The following MRTFB variants were observed in gnomAD, a reference collection of about 807,000 sequenced individuals.
MRTFB encodes the protein myocardin-related transcription factor B.
MRTFB carries 29 observed loss-of-function variants against 104.2 expected under a neutral mutation model. That is an observed-to-expected ratio of 0.28 (90% CI 0.21 to 0.38). The LOEUF is 0.38. MRTFB is among the 10% of genes least tolerant of loss of function. The pLI is 1.00. For missense variants in MRTFB, 1,270 were observed against 1,341.6 expected (o/e 0.95, Z 0.83); for synonymous variants, 535 against 519.5 (o/e 1.03, Z -0.41).
chr16:14,250,235 C>G (rs1036339648), intron 13 of MRTFB, among the ~76,000 whole-genome samples: 2 of 152,082 alleles, frequency 1.3e-5, no homozygotes, highest in East Asian at 3.9e-4. Context: ...AACTCATCAC[C>G]ATGGAGATTG....
chr16:14,021,920 C>A, the MRTFB span, among the ~76,000 whole-genome samples: 1 of 152,036 alleles, frequency 6.6e-6, no homozygotes, highest in Non-Finnish European at 1.5e-5. Context: ...ACTTATTTCC[C>A]GCCGGGTAGA....
At chr16:14,231,111 C>T (rs1016676573) in intron 8 of MRTFB, among the ~76,000 whole-genome samples, 5 of 146,114 alleles carry the variant, frequency 3.4e-5, no homozygotes, top group African/African-American at 1.3e-4. Context: ...GGAAGGGGAA[C>T]ATCACACTCT....
the MRTFB span, among the ~76,000 whole-genome samples, chr16:13,995,381 T>C: frequency 2.0e-5 from 3 of 152,192 alleles, no homozygotes; most frequent in African/African-American, 7.2e-5. Flanking sequence ...ACCCCAGAAC[T>C]GGTTGCACTT....
chr16:14,001,156 C>T, the MRTFB span, among the ~76,000 whole-genome samples: 3 of 152,192 alleles, frequency 2.0e-5, no homozygotes, highest in Non-Finnish European at 4.4e-5. Flanking sequence ...TCAGTTAAGA[C>T]GCTTGTGGTT....
intron 2 of MRTFB, among the ~76,000 whole-genome samples, chr16:14,098,523 C>T (rs1482825439): frequency 2.0e-5 from 3 of 152,160 alleles, no homozygotes; most frequent in Non-Finnish European, 4.4e-5. Flanking sequence ...TCTTTTCACC[C>T]TCTTAACATT....
chr16:14,234,904 G>T lies in MRTFB; in HGVS notation c.831+621G>T, dbSNP rs182564519. 1.2e-4 allele frequency among the ~76,000 whole-genome samples: 19 copies of T among 152,336 alleles called. No homozygotes were observed. The East Asian group carries it at 3.3e-3, about 26-fold the overall frequency. On this transcript the variant is annotated intron_variant, in intron 9 of 16. Transcript: ENST00000571589. ...AAACAGATTTAAACTTTTTAGAATT[G>T]TGTTTAGAACTTCTAGATATGGTGG...
At chr16:14,182,266 A>C (rs2039796312) in intron 3 of MRTFB, among the ~76,000 whole-genome samples, 1 of 152,192 alleles carries the variant, frequency 6.6e-6, no homozygotes, top group South Asian at 2.1e-4. Flanking sequence ...AGGCCAGTGT[A>C]GAGTGAAGAG....
intron 3 of MRTFB, chr16:14,186,951 C>G (rs1301027508): frequency 6.3e-7 from 1 of 1,598,066 alleles, no homozygotes. Flanking sequence ...ACAGGGCTTC[C>G]CAGAGATTTT....
rs1359569595 is a variant in MRTFB, at chr16:14,178,519, CAA to C, written c.155-31723_155-31722del. ...TATTCTCTACCTTTGCCGTAACTCCCAAGATAGTAAAATAGGACACTCAGTCA... is the reference window on the plus strand; with the variant it reads ...TATTCTCTACCTTTGCCGTAACTCCCGATAGTAAAATAGGACACTCAGTCA... On this transcript the variant is annotated intron_variant, in intron 3 of 16. Transcript: ENST00000571589. Among the ~76,000 whole-genome samples, 34 of 152,104 alleles carry C rather than the reference CAA, an allele frequency of 2.2e-4. 1 individual carries two copies. The highest frequency in any genetic ancestry group is 2.9e-5 in the Non-Finnish European group (2 of 68,028).
chr16:14,160,940 T>A (rs1430306976), intron 3 of MRTFB, among the ~76,000 whole-genome samples: 2 of 152,144 alleles, frequency 1.3e-5, no homozygotes, highest in African/African-American at 4.8e-5. Context: ...GGCTTCATCT[T>A]GGAATTAGCC....
At chr16:14,195,023 C>G (rs1367775400) in intron 3 of MRTFB, among the ~76,000 whole-genome samples, 1 of 152,132 alleles carries the variant, frequency 6.6e-6, no homozygotes, top group Admixed American at 6.5e-5. Context: ...GGCAATTTCC[C>G]AACTGAATAT....
chr16:14,203,522 C>T (rs1450415377), intron 3 of MRTFB, among the ~76,000 whole-genome samples: 1 of 152,108 alleles, frequency 6.6e-6, no homozygotes, highest in East Asian at 1.9e-4. Context: ...GGAAAAGGCA[C>T]TTTAATTACA....
At chr16:14,248,814 C>G in intron 12 of MRTFB, 112 bp from the exon 13 acceptor site, 3 of 1,144,488 alleles carry the variant, frequency 2.6e-6, no homozygotes, top group South Asian at 1.6e-5. Flanking sequence ...TAACCTTGGT[C>G]TTATTTCATT....
At chr16:14,011,532 G>A in the MRTFB span, among the ~76,000 whole-genome samples, 1 of 152,214 alleles carries the variant, frequency 6.6e-6, no homozygotes, top group South Asian at 2.1e-4. Context: ...ATATGCTAAT[G>A]TGCACTGTGA....
the MRTFB span, among the ~76,000 whole-genome samples, chr16:14,050,440 C>T: frequency 1.3e-5 from 2 of 152,198 alleles, no homozygotes; most frequent in Non-Finnish European, 1.5e-5. Flanking sequence ...CATAGCTCAC[C>T]ACAGCCTTGA....
chr16:14,231,236 A>T (rs1017128837), intron 8 of MRTFB, among the ~76,000 whole-genome samples: 3 of 143,386 alleles, frequency 2.1e-5, no homozygotes, highest in Non-Finnish European at 4.7e-5. Context: ...ATACATATGT[A>T]ACTAACCTGC....
chr16:14,181,111 T>G (rs1421217107), intron 3 of MRTFB, among the ~76,000 whole-genome samples: 1 of 152,192 alleles, frequency 6.6e-6, no homozygotes, highest in Non-Finnish European at 1.5e-5. Context: ...TCAATATATA[T>G]TTTAAAAGTG....
chr16:14,237,270 A>C lies in MRTFB; in HGVS notation c.832-2967A>C, dbSNP rs145433101. 3.7e-3 allele frequency among the ~76,000 whole-genome samples: 567 copies of C among 152,324 alleles called. 3 individuals are homozygous for C. Among genetic ancestry groups the C allele is most frequent in the African/African-American group, 0.013 (535 of 41,576 alleles). Reference sequence around the variant, plus strand: ...AGAAGTGAGTTCTTGGGAACCTCCAACATTTTAGAGAGGAGAACCAGCAAA... The same window carrying C: ...AGAAGTGAGTTCTTGGGAACCTCCACCATTTTAGAGAGGAGAACCAGCAAA... On this transcript the variant is annotated intron_variant, in intron 9 of 16. Transcript: ENST00000571589.
rs2043755267 is a variant in MRTFB at position 14,261,031 on chromosome 16, G to A, written c.2887G>A (p.Ala963Thr). 1 of 1,613,964 alleles carries A rather than the reference G, an allele frequency of 6.2e-7. No homozygotes were observed. Among genetic ancestry groups the A allele is most frequent in the Admixed American group, 1.7e-5 (1 of 59,996 alleles). ...CCGGCCACCACCCCAAGTCCAAATG[G>A]CACCACCTGTATCTTTAGAACCTAT... is the stretch of plus-strand genomic sequence containing the variant. ...VSRPPPQVQMAPPVSLEPMGS... is the reference protein window; with the variant it reads ...VSRPPPQVQMTPPVSLEPMGS... The change falls in exon 17 of 17, where the codon GCA (alanine) becomes ACA (threonine). Residue 963 changes from alanine (A) to threonine (T), a missense_variant. By Grantham distance (58) the Ala-to-Thr change is moderately conservative. Coordinates refer to ENST00000571589, the MANE Select transcript of MRTFB (RefSeq NM_001308142.2).
Sources: gnomAD v4.1 joint callset for allele counts (sites outside exome capture counted in the v4.1 genomes callset) on GRCh38, gnomAD v4.1.1 for gene constraint, MANE v1.5 for transcripts, NCBI Gene and HGNC (gene_info 2026-07-23, HGNC 2026-07-21) for gene names.